Variants in CNTN5 observed in about 807,000 individuals in gnomAD.
The protein encoded by CNTN5 is contactin-5.
Under a neutral mutation model 129.1 loss-of-function variants are expected in CNTN5, and 77 were observed. The ratio of observed to expected loss-of-function variants is 0.60; its 90% CI spans 0.50 to 0.72. The LOEUF is 0.72. Among genes scored for constraint, CNTN5 ranks in the 30% least tolerant of loss-of-function variants. CNTN5 has a pLI of 0.00. For synonymous variants in CNTN5, 509 were observed against 465.6 expected (o/e 1.09, Z -1.20); for missense variants, 1,478 against 1,328.8 (o/e 1.11, Z -1.75).
intron 9 of CNTN5, among the ~76,000 whole-genome samples, chr11:100,057,204 A>G (rs1943270787): frequency 1.4e-5 from 2 of 148,134 alleles, no homozygotes; most frequent in South Asian, 2.1e-4. Flanking sequence ...AAGTATAAAT[A>G]TATACATTAT....
intron 15 of CNTN5, among the ~76,000 whole-genome samples, chr11:100,215,366 C>G (rs779848217): frequency 1.3e-5 from 2 of 152,112 alleles, no homozygotes; most frequent in East Asian, 3.9e-4. Context: ...TAGAGTATAC[C>G]TCCCAGTAAG....
intron 1 of CNTN5, among the ~76,000 whole-genome samples, chr11:99,223,173 A>G (rs1860491719): frequency 6.6e-6 from 1 of 152,120 alleles, no homozygotes; most frequent in Non-Finnish European, 1.5e-5. Context: ...ACCCTATATT[A>G]TCCTATCCTA....
intron 1 of CNTN5, among the ~76,000 whole-genome samples, chr11:99,209,214 G>T (rs1454818995): frequency 6.6e-6 from 1 of 152,016 alleles, no homozygotes; most frequent in Non-Finnish European, 1.5e-5. Context: ...AAACTCAAAG[G>T]CAGGAGACAT....
At chr11:99,683,400 C>T (rs1953646501) in intron 3 of CNTN5, among the ~76,000 whole-genome samples, 2 of 151,834 alleles carry the variant, frequency 1.3e-5, no homozygotes, top group Non-Finnish European at 2.9e-5. Context: ...ATTGTCTTTT[C>T]CTCACCAAGT....
chr11:99,688,322 G>A (rs953330072), intron 3 of CNTN5, among the ~76,000 whole-genome samples: 1 of 152,126 alleles, frequency 6.6e-6, no homozygotes, highest in African/African-American at 2.4e-5. Flanking sequence ...GATTACAGGT[G>A]TGAAGCCATC....
chr11:100,027,984 A>G (rs1357310673), intron 9 of CNTN5, among the ~76,000 whole-genome samples: 1 of 152,216 alleles, frequency 6.6e-6, no homozygotes, highest in Non-Finnish European at 1.5e-5. Context: ...AACCTGCTCT[A>G]AATGTCTTTA....
At chr11:99,417,924 G>A (rs1565565684) in intron 2 of CNTN5, among the ~76,000 whole-genome samples, 1 of 152,140 alleles carries the variant, frequency 6.6e-6, no homozygotes, top group Non-Finnish European at 1.5e-5. Flanking sequence ...AAAGTTTCAT[G>A]TTTAAACGGT....
At chr11:99,439,707 CA>C (rs376871051) in intron 2 of CNTN5, among the ~76,000 whole-genome samples, 10 of 95,460 alleles carry the variant, frequency 1.0e-4, no homozygotes, top group African/African-American at 3.4e-4. Context: ...GACTCTGTCT[CA>C]AAAAAAAAAA....
chr11:99,575,118 C>A (rs916624561), intron 3 of CNTN5, among the ~76,000 whole-genome samples: 10 of 152,106 alleles, frequency 6.6e-5, no homozygotes, highest in African/African-American at 2.4e-4. Flanking sequence ...AATCTCATAT[C>A]TTTTATTATA....
chr11:99,598,287 T>TCTC (rs1565335421), intron 3 of CNTN5, among the ~76,000 whole-genome samples: 1 of 6,762 alleles, frequency 1.5e-4, no homozygotes, highest in African/African-American at 4.7e-4. Flanking sequence ...TTCTTTTCTT[T>TCTC]TCTTTTCTTT....
At chr11:99,523,689 CAG>C (rs1947371932) in intron 2 of CNTN5, among the ~76,000 whole-genome samples, 1 of 71,666 alleles carries the variant, frequency 1.4e-5, no homozygotes, top group African/African-American at 7.0e-5. Flanking sequence ...CAGAACAGAA[CAG>C]AACAGAATAG....
intron 16 of CNTN5, among the ~76,000 whole-genome samples, chr11:100,249,136 A>G (rs2138704996): frequency 6.6e-6 from 1 of 152,314 alleles, no homozygotes; most frequent in South Asian, 2.1e-4. Flanking sequence ...AAATTAGTAT[A>G]TGAAATTGTA....
intron 9 of CNTN5, among the ~76,000 whole-genome samples, chr11:100,039,272 T>C (rs184499384): frequency 6.6e-5 from 10 of 152,324 alleles, no homozygotes; most frequent in South Asian, 2.1e-4. Context: ...AAAATTCTTT[T>C]CTTTAAGAAT....
chr11:99,441,117 G>T (rs1044189598), intron 2 of CNTN5, among the ~76,000 whole-genome samples: 5 of 152,128 alleles, frequency 3.3e-5, no homozygotes, highest in Non-Finnish European at 5.9e-5. Flanking sequence ...ACCCCACCTG[G>T]AAATACTTTG....
At chr11:99,936,967 A>G (rs1950329568) in intron 7 of CNTN5, among the ~76,000 whole-genome samples, 1 of 152,192 alleles carries the variant, frequency 6.6e-6, no homozygotes, top group African/African-American at 2.4e-5. Context: ...AGTTCTTACC[A>G]CATGAGACGC....
At chr11:99,816,620 T>C (rs1472955973) in intron 3 of CNTN5, among the ~76,000 whole-genome samples, 1 of 152,196 alleles carries the variant, frequency 6.6e-6, no homozygotes, top group African/African-American at 2.4e-5. Flanking sequence ...TTCTGACCAA[T>C]CTTTGCCTAT....
intron 1 of CNTN5, among the ~76,000 whole-genome samples, chr11:99,317,208 G>C (rs755684738): frequency 6.6e-6 from 1 of 152,152 alleles, no homozygotes; most frequent in Non-Finnish European, 1.5e-5. Context: ...CAGTAACAAA[G>C]TTGGGCTGGG....
At chr11:99,407,493 G>A (rs564560431) in intron 2 of CNTN5, among the ~76,000 whole-genome samples, 12 of 152,236 alleles carry the variant, frequency 7.9e-5, no homozygotes, top group South Asian at 2.1e-4. Flanking sequence ...GGTCTCTTTC[G>A]GAGCCGTGAG....
chr11:99,691,296 G>A (rs570452825), intron 3 of CNTN5, among the ~76,000 whole-genome samples: 3 of 151,624 alleles, frequency 2.0e-5, no homozygotes, highest in Non-Finnish European at 4.4e-5. Context: ...CTAGCTTTGG[G>A]GTTTCTTTGC....
Sources: allele counts gnomAD v4.1 joint callset (sites outside exome capture counted in the v4.1 genomes callset), GRCh38; gene constraint gnomAD v4.1.1; transcripts MANE v1.5; gene names NCBI Gene and HGNC (gene_info 2026-07-23, HGNC 2026-07-21).